The following SLC26A7 variants were observed in gnomAD, a reference collection of about 807,000 sequenced individuals.
SLC26A7 encodes the protein solute carrier family 26 member 7.
SLC26A7 carries 59 observed loss-of-function variants against 82.5 expected under a neutral mutation model. The observed-to-expected ratio is 0.72, with a 90% CI of 0.58 to 0.89. SLC26A7 has a LOEUF of 0.89. Among genes scored for constraint, SLC26A7 ranks in the 40% least tolerant of loss-of-function variants. The pLI is 0.00. For missense variants in SLC26A7, 820 were observed against 793.0 expected (o/e 1.03, Z -0.41); for synonymous variants, 271 against 274.3 (o/e 0.99, Z 0.12).
intron 11 of SLC26A7, among the ~76,000 whole-genome samples, chr8:91,358,741 C>T (rs1246544164): frequency 7.9e-5 from 12 of 152,176 alleles, no homozygotes; most frequent in Non-Finnish European, 8.8e-5. Flanking sequence ...CCATGGAATA[C>T]TATGCAGCCA....
intron 2 of SLC26A7, among the ~76,000 whole-genome samples, chr8:91,220,619 G>A (rs1263393209): frequency 8.5e-5 from 13 of 152,066 alleles, no homozygotes; most frequent in African/African-American, 1.2e-4. Flanking sequence ...TTCTGTTCCC[G>A]TGCTGGTTTG....
At chr8:91,209,822 T>C (rs1440968555) in intron 1 of SLC26A7, among the ~76,000 whole-genome samples, 1 of 152,186 alleles carries the variant, frequency 6.6e-6, no homozygotes, top group Non-Finnish European at 1.5e-5. Flanking sequence ...AGAGGAGATA[T>C]GAAAGGTTTT....
intron 16 of SLC26A7, among the ~76,000 whole-genome samples, chr8:91,392,345 A>G (rs1050571055): frequency 6.6e-6 from 1 of 152,098 alleles, no homozygotes; most frequent in Admixed American, 6.6e-5. Flanking sequence ...TGTGATCTGG[A>G]CTTAAGTGTT....
chr8:91,316,119 A>C (rs1812623272), intron 4 of SLC26A7, among the ~76,000 whole-genome samples: 1 of 152,178 alleles, frequency 6.6e-6, no homozygotes, highest in South Asian at 2.1e-4. Flanking sequence ...TATTATGATC[A>C]GAATAAAGAA....
intron 2 of SLC26A7, among the ~76,000 whole-genome samples, chr8:91,224,778 G>C (rs1307465177): frequency 6.6e-6 from 1 of 152,180 alleles, no homozygotes; most frequent in Non-Finnish European, 1.5e-5. Context: ...TCCTCAGAAC[G>C]ACCAGGAGGA....
intron 2 of SLC26A7, among the ~76,000 whole-genome samples, chr8:91,270,890 C>T (rs987142018): frequency 2.6e-5 from 4 of 152,128 alleles, no homozygotes; most frequent in African/African-American, 9.7e-5. Flanking sequence ...CAAGAGGTTT[C>T]TAAAGTACCA....
At chr8:91,356,994 T>A (rs891731846) in intron 11 of SLC26A7, among the ~76,000 whole-genome samples, 2 of 152,156 alleles carry the variant, frequency 1.3e-5, no homozygotes, top group East Asian at 1.9e-4. Context: ...GGAGATCTCA[T>A]GCTGTTGTCA....
rs138837325 is a variant in SLC26A7, at chr8:91,366,621, G to T, written c.1530G>T (p.Pro510=). The T allele has an allele frequency of 1.2e-6, 2 of 1,613,452 alleles. No individual in the cohort carries two copies. The highest frequency in any genetic ancestry group is 2.2e-5 in the East Asian group (1 of 44,804). ...QQVKIISINN[P]LVFLNAKKFY... ...TGAAAATTATCTCAATAAACAACCC[G>T]CTTGTTTTCCTGAATGCAAAAAAAT... Residue 510 remains proline, a synonymous_variant, in exon 14 of 19, where the codon CCG becomes CCT. Transcript: ENST00000276609.
intron 2 of SLC26A7, among the ~76,000 whole-genome samples, chr8:91,259,749 A>G (rs73694603): frequency 0.026 from 3,910 of 152,110 alleles, 178 homozygotes; most frequent in African/African-American, 0.085. Context: ...ATTATAACCT[A>G]CCATATTTCA....
chr8:91,283,806 AT>A (rs1811637269), intron 2 of SLC26A7, among the ~76,000 whole-genome samples: 2 of 152,190 alleles, frequency 1.3e-5, no homozygotes, highest in African/African-American at 4.8e-5. Context: ...TTCATATGAA[AT>A]ATCTTTACTG....
chr8:91,331,809 G>A (rs1159120180), intron 5 of SLC26A7, among the ~76,000 whole-genome samples: 2 of 151,900 alleles, frequency 1.3e-5, no homozygotes, highest in Non-Finnish European at 2.9e-5. Flanking sequence ...CCCCAGATTA[G>A]ACTATTTAAA....
intron 5 of SLC26A7, among the ~76,000 whole-genome samples, chr8:91,330,014 A>G (rs567771370): frequency 1.8e-3 from 276 of 152,290 alleles, no homozygotes; most frequent in Non-Finnish European, 3.2e-3. Flanking sequence ...TAATGATGAC[A>G]TTGTAGTACC....
chr8:91,302,818 C>CTTTTTTTTTTT (rs11333572), intron 4 of SLC26A7, among the ~76,000 whole-genome samples: 12 of 129,604 alleles, frequency 9.3e-5, no homozygotes, highest in Admixed American at 1.5e-4. Flanking sequence ...TTCCCCTTCT[C>CTTTTTTTTTTT]TTTTTTTTTT....
At chr8:91,314,571 C>T (rs989892926) in intron 4 of SLC26A7, among the ~76,000 whole-genome samples, 3 of 152,112 alleles carry the variant, frequency 2.0e-5, no homozygotes, top group Admixed American at 2.0e-4. Flanking sequence ...CTGCCATTGT[C>T]TTGGGTCTTG....
intron 4 of SLC26A7, among the ~76,000 whole-genome samples, chr8:91,302,128 A>AT (rs1224523548): frequency 1.3e-5 from 2 of 152,030 alleles, no homozygotes; most frequent in South Asian, 2.1e-4. Context: ...CTGTATAATC[A>AT]TTTTTTTGTG....
At chr8:91,344,429 CA>C (rs1308818414) in intron 9 of SLC26A7, among the ~76,000 whole-genome samples, 5 of 152,124 alleles carry the variant, frequency 3.3e-5, no homozygotes, top group African/African-American at 7.2e-5. Context: ...AGATAGGAAT[CA>C]AATGAGAACT....
intron 11 of SLC26A7, among the ~76,000 whole-genome samples, chr8:91,353,691 G>A (rs1010011170): frequency 6.6e-6 from 1 of 152,002 alleles, no homozygotes; most frequent in Non-Finnish European, 1.5e-5. Context: ...TTATTAATAT[G>A]AAATACATAT....
At chr8:91,325,753 G>T (rs1812915831) in intron 5 of SLC26A7, among the ~76,000 whole-genome samples, 1 of 152,174 alleles carries the variant, frequency 6.6e-6, no homozygotes, top group Non-Finnish European at 1.5e-5. Context: ...GCAGCAGGGA[G>T]ATTTGGAAAA....
At position 91,334,465 on chromosome 8, in the gene SLC26A7, A is replaced by G. The variant is rs1356756736; in HGVS notation, c.795+18A>G. ...TAGTTTTGGTAAGTATAAAATCAAC[A>G]TTTAGCTTTTTGCCATGCAAAGCTT... On this transcript the variant is annotated intron_variant, in intron 6 of 18. Coordinates refer to ENST00000276609, the MANE Select transcript of SLC26A7 (RefSeq NM_052832.4). 1 of 1,602,490 alleles carries G rather than the reference A, an allele frequency of 6.2e-7. No homozygotes were observed. Among genetic ancestry groups the G allele is most frequent in the Non-Finnish European group, 8.5e-7 (1 of 1,174,782 alleles).
Sources: gnomAD v4.1 joint callset for allele counts (sites outside exome capture counted in the v4.1 genomes callset) on GRCh38, gnomAD v4.1.1 for gene constraint, MANE v1.5 for transcripts, NCBI Gene and HGNC (gene_info 2026-07-23, HGNC 2026-07-21) for gene names.